Variants in CSMD2 observed in about 807,000 individuals in gnomAD.
CSMD2 encodes CUB and sushi domain-containing protein 2.
In CSMD2, 130 loss-of-function variants were observed where a neutral mutation model predicts 398.5. That is an observed-to-expected ratio of 0.33 (90% CI 0.28 to 0.38). The LOEUF is 0.38. Ranked by LOEUF, CSMD2 falls within the 10% of genes least tolerant of loss-of-function variation. CSMD2 has a pLI of 1.00. For missense variants in CSMD2, 3,829 were observed against 4,764.9 expected (o/e 0.80, Z 5.78); for synonymous variants, 1,828 against 1,908.5 (o/e 0.96, Z 1.10).
chr1:33,786,989 A>T (rs2124836501), intron 12 of CSMD2, among the ~76,000 whole-genome samples: 1 of 152,326 alleles, frequency 6.6e-6, no homozygotes, highest in East Asian at 1.9e-4. Flanking sequence ...AATGTAATCA[A>T]GTTAAGATGG....
intron 22 of CSMD2, among the ~76,000 whole-genome samples, chr1:33,706,662 A>G (rs183748047): frequency 8.3e-4 from 127 of 152,304 alleles, no homozygotes; most frequent in Middle Eastern, 3.4e-3. Flanking sequence ...ACAGAGGGAA[A>G]ATGGAAATTG....
rs1558301123 is a variant in CSMD2 at position 34,049,173 on chromosome 1, C to A, written c.405-16467G>T. ...GTGGAGGGTCAACCTGAATTACATC[C>A]AAACCATCGATATTTGCAGTTAATA... On this transcript the variant is annotated intron_variant, in intron 2 of 70. Coordinates refer to ENST00000373381, the MANE Select transcript of CSMD2 (RefSeq NM_001281956.2). Among the ~76,000 whole-genome samples, 7 of 152,128 alleles carry A rather than the reference C, an allele frequency of 4.6e-5. No homozygotes were observed. The South Asian group carries it at 1.5e-3, about 32-fold the overall frequency.
chr1:33,963,387 T>C (rs980044777), intron 3 of CSMD2, among the ~76,000 whole-genome samples: 1 of 152,234 alleles, frequency 6.6e-6, no homozygotes, highest in Non-Finnish European at 1.5e-5. Context: ...GAGGTTATAA[T>C]TGGCATATAT....
chr1:33,939,651 G>A (rs1402187633), intron 3 of CSMD2, among the ~76,000 whole-genome samples: 1 of 152,180 alleles, frequency 6.6e-6, no homozygotes, highest in Non-Finnish European at 1.5e-5. Context: ...TTCTTAAAAA[G>A]TCACTCTCAA....
intron 10 of CSMD2, among the ~76,000 whole-genome samples, chr1:33,795,614 C>A (rs1029522337): frequency 2.6e-5 from 4 of 152,242 alleles, no homozygotes; most frequent in Non-Finnish European, 5.9e-5. Context: ...CATCTGTGAG[C>A]CTGACTTGTC....
At chr1:33,614,679 G>T in intron 39 of CSMD2, 59 bp from the exon 40 acceptor site, 1 of 942,796 alleles carries the variant, frequency 1.1e-6, no homozygotes, top group East Asian at 2.5e-5. Flanking sequence ...ACAGGGCCCT[G>T]CCAATGTTTG....
chr1:33,882,502 C>T (rs759534573), intron 5 of CSMD2, among the ~76,000 whole-genome samples: 5 of 152,158 alleles, frequency 3.3e-5, no homozygotes, highest in Non-Finnish European at 7.3e-5. Flanking sequence ...GACTGTTAAT[C>T]CTTTGTAGAA....
At chr1:33,663,185 C>G in intron 25 of CSMD2, 93 bp from the exon 26 acceptor site, 5 of 1,059,580 alleles carry the variant, frequency 4.7e-6, no homozygotes, top group Non-Finnish European at 6.9e-6. Context: ...AAGACTGGCC[C>G]TAAACCTACA....
At chr1:33,702,985 A>T (rs538325807) in intron 22 of CSMD2, among the ~76,000 whole-genome samples, 2 of 152,272 alleles carry the variant, frequency 1.3e-5, no homozygotes, top group East Asian at 3.9e-4. Context: ...CACATATATA[A>T]TTAACATATA....
In CSMD2 at chr1:34,140,332, C is replaced by T. The variant is rs185069259; in HGVS notation, c.187+24579G>A. ...AACAAACAAACAAAAAAAAACCCAGCGGCAGAAGAAAGCATGGCCCTGTGA... is the reference window on the plus strand; with the variant it reads ...AACAAACAAACAAAAAAAAACCCAGTGGCAGAAGAAAGCATGGCCCTGTGA... On this transcript the variant is annotated intron_variant, in intron 1 of 70. Transcript: ENST00000373381. Among the ~76,000 whole-genome samples the T allele has an allele frequency of 3.0e-4, 21 of 70,728 alleles. 1 individual carries two copies. The East Asian group carries it at 4.5e-3, about 15-fold the overall frequency. The allele number at this position is 70,728 out of a possible 152,430, so 46.4% of individuals were successfully genotyped here. A position where few individuals can be genotyped will look rare whatever the true frequency, so the allele number is the denominator to read the frequency against.
rs568684319 is a variant in CSMD2, at chr1:33,614,513, C to G, written c.6124G>C (p.Val2042Leu). 6 of 1,594,072 alleles carry G rather than the reference C, an allele frequency of 3.8e-6. No homozygotes were observed. The African/African-American group carries it at 5.4e-5, about 14-fold the overall frequency. ...GGCTGCAGAGACTTACCAAAGCCCA[C>G]GGGCAGTGCTATTTTCCAGGAGCAG... ...MDCSWKIALP[V>L]GFGAHIQFLN... Residue 2042 changes from valine (V) to leucine (L), a missense_variant, in exon 40 of 71, where the codon GTG becomes CTG. By Grantham distance (32) the Val-to-Leu change is conservative. Coordinates refer to ENST00000373381, the MANE Select transcript of CSMD2 (RefSeq NM_001281956.2).
chr1:34,004,031 AC>A (rs1334182245), intron 3 of CSMD2, among the ~76,000 whole-genome samples: 1 of 152,066 alleles, frequency 6.6e-6, no homozygotes. Flanking sequence ...CCAATATGAC[AC>A]CCCATCCCTT....
intron 15 of CSMD2, among the ~76,000 whole-genome samples, chr1:33,738,813 G>C (rs1646964580): frequency 6.6e-6 from 1 of 152,194 alleles, no homozygotes; most frequent in Admixed American, 6.5e-5. Context: ...TGGGCTGCCG[G>C]AGCTCCCCTG....
intron 45 of CSMD2, 121 bp from the exon 46 acceptor site, chr1:33,586,738 C>T: frequency 1.5e-6 from 1 of 655,568 alleles, no homozygotes; most frequent in Non-Finnish European, 2.8e-6. Flanking sequence ...AAATAACTAG[C>T]TCAGCTCCCA....
chr1:33,614,818 C>T (rs2148850504), intron 39 of CSMD2, among the ~76,000 whole-genome samples, 198 bp from the exon 40 acceptor site: 1 of 152,346 alleles, frequency 6.6e-6, no homozygotes, highest in East Asian at 1.9e-4. Context: ...AAGGGAGGTA[C>T]ATTCTAGGAC....
chr1:33,733,675 G>C (rs1393182280), intron 15 of CSMD2, among the ~76,000 whole-genome samples: 2 of 152,138 alleles, frequency 1.3e-5, no homozygotes, highest in East Asian at 3.9e-4. Flanking sequence ...GTGAGTCGCA[G>C]GAGATTTGAT....
intron 1 of CSMD2, among the ~76,000 whole-genome samples, chr1:34,158,116 C>A (rs890914825): frequency 6.6e-6 from 1 of 152,118 alleles, no homozygotes; most frequent in Non-Finnish European, 1.5e-5. Context: ...ATATGAGTTT[C>A]CTTTGTTTCT....
intron 15 of CSMD2, among the ~76,000 whole-genome samples, chr1:33,728,202 C>T (rs1043639800): frequency 8.5e-5 from 13 of 152,120 alleles, no homozygotes; most frequent in Non-Finnish European, 1.8e-4. Context: ...ATGGAGCTAT[C>T]AGATGCCAAA....
At chr1:33,927,925 A>G (rs1644181804) in intron 4 of CSMD2, among the ~76,000 whole-genome samples, 1 of 152,192 alleles carries the variant, frequency 6.6e-6, no homozygotes, top group African/African-American at 2.4e-5. Context: ...CATCTGTCCA[A>G]CAGAATGACC....
Sources: gnomAD v4.1 joint callset for allele counts (sites outside exome capture counted in the v4.1 genomes callset) on GRCh38, gnomAD v4.1.1 for gene constraint, MANE v1.5 for transcripts, NCBI Gene and HGNC (gene_info 2026-07-23, HGNC 2026-07-21) for gene names.